Variants in SIRPD observed in about 807,000 individuals in gnomAD.
The protein encoded by SIRPD is signal-regulatory protein delta.
Under a neutral mutation model 18.0 loss-of-function variants are expected in SIRPD, and 21 were observed. The observed-to-expected ratio is 1.17, with a 90% CI of 0.83 to 1.68. The LOEUF (loss-of-function observed/expected upper bound fraction) is 1.68. SIRPD is among the 40% of genes most tolerant of loss of function. SIRPD has a pLI of 0.00. For missense variants in SIRPD, 295 were observed against 238.4 expected, an observed-to-expected ratio of 1.24 and a Z score of -1.56; for synonymous variants, 106 against 92.9, an observed-to-expected ratio of 1.14 and a Z score of -0.81.
At chr20:1,553,785 T>C (rs2123153859) in intron 1 of SIRPD, among the ~76,000 whole-genome samples, 1 of 152,332 alleles carries the variant, frequency 6.6e-6, no homozygotes, top group East Asian at 1.9e-4. Flanking sequence ...TTGTCCAGAA[T>C]GGCTTACTAG....
intron 3 of SIRPD, among the ~76,000 whole-genome samples, chr20:1,536,538 G>C (rs1253976807): frequency 6.6e-6 from 1 of 151,818 alleles, no homozygotes; most frequent in African/African-American, 2.4e-5. Context: ...GAAGAGAGTA[G>C]ACAGGCAGGA....
At chr20:1,554,731 C>T (rs2091032530) in intron 1 of SIRPD, among the ~76,000 whole-genome samples, 1 of 152,106 alleles carries the variant, frequency 6.6e-6, no homozygotes, top group South Asian at 2.1e-4. Flanking sequence ...AGCTCCCTCC[C>T]ATACCGGGTG....
intron 2 of SIRPD, among the ~76,000 whole-genome samples, chr20:1,544,611 A>C (rs540888719): frequency 6.6e-6 from 1 of 152,080 alleles, no homozygotes; most frequent in African/African-American, 2.4e-5. Context: ...CATTTAGCCC[A>C]TTTACATTTA....
intron 2 of SIRPD, among the ~76,000 whole-genome samples, chr20:1,537,756 T>C (rs1236197839): frequency 1.3e-5 from 2 of 152,196 alleles, no homozygotes; most frequent in Non-Finnish European, 2.9e-5. Context: ...CCATATCTGA[T>C]GGGAGGCTTT....
At chr20:1,546,678 T>C (rs2090995096) in intron 2 of SIRPD, among the ~76,000 whole-genome samples, 1 of 152,260 alleles carries the variant, frequency 6.6e-6, no homozygotes, top group Non-Finnish European at 1.5e-5. Flanking sequence ...TTTTCCAAAG[T>C]GGCTTCACCA....
In SIRPD at chr20:1,537,329, C is replaced by T. The variant is rs1445788704; in HGVS notation, c.422-19G>A. The T allele has an allele frequency of 6.2e-7, 1 of 1,609,536 alleles. No individual in the cohort carries two copies. Among genetic ancestry groups the T allele is most frequent in the African/African-American group, 1.3e-5 (1 of 74,902 alleles). On this transcript the variant is annotated intron_variant, in intron 2 of 3. Coordinates refer to ENST00000381623, the MANE Select transcript of SIRPD (RefSeq NM_178460.3). ...TTCTGCTCTGCTGAGAGAGGCAAAA[C>T]TATGTGTTCCATGATATAAGAGGAA...
At chr20:1,554,519 G>A (rs1236376346) in intron 1 of SIRPD, among the ~76,000 whole-genome samples, 1 of 152,196 alleles carries the variant, frequency 6.6e-6, no homozygotes, top group Non-Finnish European at 1.5e-5. Flanking sequence ...ATCGGGATAT[G>A]AGGATGGCCT....
At chr20:1,535,733 A>T (rs73076966) in intron 3 of SIRPD, among the ~76,000 whole-genome samples, 24,690 of 152,164 alleles carry the variant, frequency 0.16, 2,394 homozygotes, top group Middle Eastern at 0.23. Context: ...GCAACAGAAA[A>T]AGGACTGACA....
At chr20:1,556,920 C>A (rs1316386440) in intron 1 of SIRPD, among the ~76,000 whole-genome samples, 3 of 152,170 alleles carry the variant, frequency 2.0e-5, no homozygotes, top group African/African-American at 7.2e-5. Flanking sequence ...GCAGTGGCAA[C>A]AGAGAAATAA....
rs181823552 is a variant in SIRPD at position 1,537,172 on chromosome 20, C to T, written c.560G>A (p.Arg187Gln). The change falls in exon 3 of 4, where the codon CGG (arginine) becomes CAG (glutamine). Residue 187 changes from arginine (R) to glutamine (Q), a missense_variant. Transcript: ENST00000381623. The part of the protein sequence containing the change: ...NYFVQPCCCL[R>Q]LLGLTGLLSK ...GCACTCACCTGTGAGTCCCAGCAGC[C>T]GGAGGCAGCAGCAGGGTTGGACGAA... 47 of 1,613,920 alleles carry T rather than the reference C, an allele frequency of 2.9e-5. No individual in the cohort carries two copies. The highest frequency in any genetic ancestry group is 2.5e-4 in the South Asian group (23 of 91,054).
At chr20:1,551,104 A>C (rs2091016969) in intron 2 of SIRPD, among the ~76,000 whole-genome samples, 1 of 152,216 alleles carries the variant, frequency 6.6e-6, no homozygotes, top group South Asian at 2.1e-4. Flanking sequence ...CTTAGCAAGG[A>C]GATGTTTTCT....
At chr20:1,536,676 A>G (rs1445574575) in intron 3 of SIRPD, among the ~76,000 whole-genome samples, 3 of 152,162 alleles carry the variant, frequency 2.0e-5, no homozygotes, top group Non-Finnish European at 2.9e-5. Flanking sequence ...GTTGTTATCT[A>G]TCTACCTATC....
chr20:1,552,214 G>T (rs1024967212), intron 1 of SIRPD, among the ~76,000 whole-genome samples, 176 bp from the exon 2 acceptor site: 8 of 152,176 alleles, frequency 5.3e-5, no homozygotes, highest in Non-Finnish European at 1.2e-4. Flanking sequence ...GCTGAAGGAA[G>T]GGAGTTAGTC....
intron 1 of SIRPD, among the ~76,000 whole-genome samples, chr20:1,554,958 ACACAAGC>A (rs2091033849): frequency 1.3e-5 from 2 of 152,340 alleles, no homozygotes; most frequent in Admixed American, 1.3e-4. Context: ...CTTGGGTAGC[ACACAAGC>A]CACACTGACA....
chr20:1,552,514 G>A (rs1261562420), intron 1 of SIRPD, among the ~76,000 whole-genome samples: 1 of 152,132 alleles, frequency 6.6e-6, no homozygotes, highest in Non-Finnish European at 1.5e-5. Flanking sequence ...ATGCACAGAA[G>A]AAGTTAAAAC....
intron 3 of SIRPD, among the ~76,000 whole-genome samples, chr20:1,535,810 A>G (rs182337700): frequency 3.3e-5 from 5 of 152,342 alleles, no homozygotes; most frequent in Admixed American, 3.3e-4. Context: ...AATGTATACA[A>G]TGTGGAAAGT....
In SIRPD at chr20:1,551,906, C is replaced by T. The variant is rs140696974; in HGVS notation, c.206G>A (p.Gly69Glu). 152 of 1,613,920 alleles carry T rather than the reference C, an allele frequency of 9.4e-5. No individual in the cohort carries two copies. Among genetic ancestry groups the T allele is most frequent in the Non-Finnish European group, 1.2e-4 (144 of 1,180,004 alleles). The change falls in exon 2 of 4, where the codon GGG becomes GAG. Residue 69 changes from glycine to glutamate, a missense_variant. Transcript: ENST00000381623. ...ATTGTAGATTAATTTCCGGTTTGGC[C>T]CTGTTCCCTTGAACCACAAGACAGG... is the stretch of plus-strand genomic sequence containing the variant. ...NGPVLWFKGT[G>E]PNRKLIYNFK...
intron 3 of SIRPD, 99 bp downstream of exon 3, chr20:1,537,054 AAC>A: frequency 1.4e-6 from 2 of 1,411,512 alleles, no homozygotes; most frequent in South Asian, 2.6e-5. Context: ...GCCCTAGGAC[AAC>A]AGAGATTCAT....
chr20:1,549,972 TA>T (rs1239727875), intron 2 of SIRPD, among the ~76,000 whole-genome samples: 1 of 152,238 alleles, frequency 6.6e-6, no homozygotes, highest in African/African-American at 2.4e-5. Context: ...TGAATGTTAA[TA>T]AAGATATTGA....
Sources: gnomAD v4.1 joint callset for allele counts (sites outside exome capture counted in the v4.1 genomes callset) on GRCh38, gnomAD v4.1.1 for gene constraint, MANE v1.5 for transcripts, NCBI Gene and HGNC (gene_info 2026-07-23, HGNC 2026-07-21) for gene names.